UBOX5: variants seen among roughly 807,000 people sequenced by gnomAD.
UBOX5 encodes U-box domain containing 5.
Under a neutral mutation model 39.0 loss-of-function variants are expected in UBOX5, and 28 were observed. The ratio of observed to expected loss-of-function variants is 0.72; its 90% CI spans 0.53 to 0.98. The LOEUF (loss-of-function observed/expected upper bound fraction) is 0.98. UBOX5 is among the 50% of genes least tolerant of loss of function. The pLI, the probability that UBOX5 is intolerant of heterozygous loss-of-function variation, is 0.00. For synonymous variants in UBOX5, 283 were observed against 275.5 expected, an observed-to-expected ratio of 1.03 and a Z score of -0.27; for missense variants, 585 against 674.4, an observed-to-expected ratio of 0.87 and a Z score of 1.47.
rs922558907 is a variant in UBOX5 at position 3,107,995 on chromosome 20, C to T, written c.*2111G>A. On this transcript the variant is annotated 3_prime_UTR_variant, in exon 5 of 5. Coordinates refer to ENST00000217173, the MANE Select transcript of UBOX5 (RefSeq NM_014948.4). This position sits in a 1 kb window ranked among gnomAD's most constrained non-coding sequence, Gnocchi z 5.0. ...ATGGGCTCCCAGCAGCCAGAGCACA[C>T]TGTGGGTGTCAAGCTGCTGGTGGGA... The T allele has an allele frequency of 3.9e-5, 6 of 152,288 alleles. No homozygotes were observed. Among genetic ancestry groups the T allele is most frequent in the African/African-American group, 1.2e-4 (5 of 41,460 alleles). 9.4% of individuals were successfully genotyped at this position (152,288 alleles called of 1,614,324 possible).
chr20:3,132,988 T>A (rs966277122), intron 1 of UBOX5, among the ~76,000 whole-genome samples: 1 of 151,320 alleles, frequency 6.6e-6, no homozygotes, highest in Non-Finnish European at 1.5e-5. Flanking sequence ...TTAATAATAA[T>A]AAAGAATGAT....
chr20:3,135,729 C>T lies in UBOX5; in HGVS notation c.-41-12323G>A, dbSNP rs370002531. ...ATATATATGTGAACACACAAACACA[C>T]GCAATTATTCATTTGGGGTTTTGAT... On this transcript the variant is annotated intron_variant, in intron 1 of 4. Coordinates refer to ENST00000217173, the MANE Select transcript of UBOX5 (RefSeq NM_014948.4). 3.4e-4 allele frequency among the ~76,000 whole-genome samples: 51 copies of T among 151,296 alleles called. 1 individual carries two copies. Among genetic ancestry groups the T allele is most frequent in the Admixed American group, 3.0e-3 (46 of 15,200 alleles).
chr20:3,133,815 C>T (rs946344693), intron 1 of UBOX5, among the ~76,000 whole-genome samples: 8 of 151,656 alleles, frequency 5.3e-5, no homozygotes, highest in South Asian at 2.1e-4. Context: ...GGTGCAATCT[C>T]GGCTCACTGC....
intron 4 of UBOX5, among the ~76,000 whole-genome samples, chr20:3,113,297 C>CA (rs1170742055): frequency 0.11 from 5,092 of 47,154 alleles, 294 homozygotes; most frequent in African/African-American, 0.2. Context: ...GACTCTGTCT[C>CA]AAAAAAAAAA....
intron 1 of UBOX5, chr20:3,150,842 T>C (rs2422858): frequency 0.76 from 115,799 of 152,164 alleles, 45,356 homozygotes; most frequent in East Asian, 0.99. Context: ...TTCTCTCACA[T>C]TAAATTTTTA....
chr20:3,156,725 C>T (rs1001264591), intron 1 of UBOX5: 6 of 152,234 alleles, frequency 3.9e-5, no homozygotes, highest in African/African-American at 1.4e-4. Flanking sequence ...AGCCGAATAG[C>T]TTCATTTTAA....
chr20:3,143,093 CTGTCTT>C (rs988302962), intron 1 of UBOX5, among the ~76,000 whole-genome samples: 3 of 135,216 alleles, frequency 2.2e-5, no homozygotes, highest in Non-Finnish European at 3.1e-5. Context: ...GGTTAATCAT[CTGTCTT>C]TTTTTTTTTT....
intron 1 of UBOX5, among the ~76,000 whole-genome samples, chr20:3,130,733 T>C (rs1391900173): frequency 6.6e-6 from 1 of 152,104 alleles, no homozygotes; most frequent in Non-Finnish European, 1.5e-5. Context: ...TATGTTCAGC[T>C]GTCTTATTGA....
At position 3,149,387 on chromosome 20, in the gene UBOX5, C is replaced by G; in HGVS notation, c.-42+10379G>C. ...AATAAGTTCAATGCTAGTAAATGCC[C>G]AAACCACATGACAGCATATATCAAG... is the stretch of plus-strand genomic sequence containing the variant. On this transcript the variant is annotated intron_variant, in intron 1 of 4. Transcript: ENST00000217173. The surrounding 1 kb of genome is among the most constrained non-coding windows in gnomAD (Gnocchi z 4.1). 3.1e-6 allele frequency: 1 copy of G among 323,618 alleles called. No homozygotes were observed. The highest frequency in any genetic ancestry group is 5.7e-6 in the Non-Finnish European group (1 of 176,400). 20.0% of individuals were successfully genotyped at this position (323,618 alleles called of 1,614,324 possible). A position where few individuals can be genotyped will look rare whatever the true frequency, so the allele number is the denominator to read the frequency against.
In UBOX5 at chr20:3,149,230, C is replaced by A; in HGVS notation, c.-42+10536G>T. ...AGCATATCACAAGAGCCAGGGATCA[C>A]AAATGACTGGGTCAGAATTGGTGCC... On this transcript the variant is annotated intron_variant, in intron 1 of 4. Transcript: ENST00000217173. The surrounding 1 kb of genome is among the most constrained non-coding windows in gnomAD (Gnocchi z 4.1). 1 of 703,876 alleles carries A rather than the reference C, an allele frequency of 1.4e-6. No homozygotes were observed. Among genetic ancestry groups the A allele is most frequent in the Non-Finnish European group, 2.3e-6 (1 of 430,252 alleles). The allele number at this position is 703,876 out of a possible 1,614,324, so 43.6% of individuals were successfully genotyped here. A position where few individuals can be genotyped will look rare whatever the true frequency, so the allele number is the denominator to read the frequency against.
chr20:3,121,442 AGT>A lies in UBOX5; in HGVS notation c.1195_1196del (p.Thr399CysfsTer2), dbSNP rs1418710877. The A allele has an allele frequency of 6.2e-7, 1 of 1,614,074 alleles. No homozygotes were observed. The highest frequency in any genetic ancestry group is 1.7e-5 in the Admixed American group (1 of 60,002). On this transcript the variant is annotated frameshift_variant, in exon 3 of 5. Transcript: ENST00000217173. LOFTEE classifies it high-confidence loss of function. Reference sequence around the variant, plus strand: ...CATTGGTGGCTTTCATTTTCTTAGCAGTGTGCTCTGAGGTAGTGGGTAAGACC... The same window carrying A: ...CATTGGTGGCTTTCATTTTCTTAGCAGTGCTCTGAGGTAGTGGGTAAGACC... ...PLVLPTTSEH[T>X]AKKMKATNEP... is the part of the protein sequence containing the mutation.
chr20:3,133,072 G>A (rs1047978776), intron 1 of UBOX5, among the ~76,000 whole-genome samples: 3 of 152,186 alleles, frequency 2.0e-5, no homozygotes, highest in Admixed American at 6.5e-5. Context: ...ACGAATGAGT[G>A]TGTTGTCACA....
intron 1 of UBOX5, chr20:3,148,086 T>A: frequency 6.2e-7 from 1 of 1,614,162 alleles, no homozygotes; most frequent in Non-Finnish European, 8.5e-7. Flanking sequence ...AGATTAGTAC[T>A]TGATTTAAAG....
At chr20:3,134,916 C>T (rs546528148) in intron 1 of UBOX5, among the ~76,000 whole-genome samples, 4 of 151,856 alleles carry the variant, frequency 2.6e-5, no homozygotes, top group Non-Finnish European at 4.4e-5. Context: ...GAGCATTCTG[C>T]GGATGACACA....
intron 1 of UBOX5, among the ~76,000 whole-genome samples, chr20:3,153,443 A>G (rs1053668095): frequency 1.3e-5 from 2 of 152,226 alleles, no homozygotes; most frequent in Admixed American, 6.5e-5. Context: ...TATAATCCCC[A>G]TATTACTGAT....
chr20:3,115,697 G>A (rs1421711478), intron 3 of UBOX5, among the ~76,000 whole-genome samples: 1 of 129,214 alleles, frequency 7.7e-6, no homozygotes, highest in Non-Finnish European at 1.8e-5. Context: ...TCCTCCTGGA[G>A]AAACTGCTGG....
At chr20:3,145,660 C>CTTT (rs1398905362) in intron 1 of UBOX5, among the ~76,000 whole-genome samples, 2 of 152,136 alleles carry the variant, frequency 1.3e-5, no homozygotes, top group Non-Finnish European at 2.9e-5. Flanking sequence ...TGGTCTCAAA[C>CTTT]TCCTGGACTC....
chr20:3,125,417 CATCA>C (rs2066376506), intron 1 of UBOX5, among the ~76,000 whole-genome samples: 1 of 136,906 alleles, frequency 7.3e-6, no homozygotes. Flanking sequence ...CCCGGCCGCC[CATCA>C]TCTGGGAAGT....
At chr20:3,128,257 T>C (rs1390343949) in intron 1 of UBOX5, among the ~76,000 whole-genome samples, 2 of 152,230 alleles carry the variant, frequency 1.3e-5, no homozygotes, top group East Asian at 3.8e-4. Flanking sequence ...CCAACTAGCA[T>C]AGTAGCTTCC....
Sources: allele counts gnomAD v4.1 joint callset (sites outside exome capture counted in the v4.1 genomes callset), GRCh38; gene constraint gnomAD v4.1.1; non-coding constraint Gnocchi (gnomAD v3.1); transcripts MANE v1.5; gene names NCBI Gene and HGNC (gene_info 2026-07-23, HGNC 2026-07-21).